SLIT2: variants seen among roughly 807,000 people sequenced by gnomAD.
SLIT2 encodes the protein slit guidance ligand 2.
In SLIT2, 41 loss-of-function variants were observed where a neutral mutation model predicts 185.7. The observed-to-expected ratio is 0.22, with a 90% CI of 0.17 to 0.29. SLIT2 has a LOEUF of 0.29. Among genes scored for constraint, SLIT2 ranks in the 10% least tolerant of loss-of-function variants. The pLI is 1.00. For missense variants in SLIT2, 1,571 were observed against 1,909.0 expected, an observed-to-expected ratio of 0.82 and a Z score of 3.30; for synonymous variants, 693 against 680.2, an observed-to-expected ratio of 1.02 and a Z score of -0.29.
Position 20,488,916 on chromosome 4 carries a change from A to G in SLIT2, c.709A>G (p.Met237Val), listed in dbSNP as rs558816677. The change falls in exon 8 of 37, where the codon ATG becomes GTG. Residue 237 changes from methionine (M) to valine (V), a missense_variant. Met to Val is a conservative substitution (Grantham distance 21). This residue lies in a region of SLIT2 where 1,202 missense variants were observed against 1,416.4 expected (regional missense o/e 0.85). Coordinates refer to ENST00000504154, the MANE Select transcript of SLIT2 (RefSeq NM_004787.4). ...TCGGGTTGGTCTGTACACTCAGTGT[A>G]TGGGCCCCTCCCACCTGAGAGGCCA... ...RPRVGLYTQC[M>V]GPSHLRGHNV... The G allele has an allele frequency of 6.2e-7, 1 of 1,612,350 alleles. No individual in the cohort carries two copies. Among genetic ancestry groups the G allele is most frequent in the South Asian group, 1.1e-5 (1 of 90,882 alleles).
chr4:20,393,036 G>A (rs1725561738), intron 4 of SLIT2, among the ~76,000 whole-genome samples: 1 of 152,028 alleles, frequency 6.6e-6, no homozygotes, highest in African/African-American at 2.4e-5. Flanking sequence ...TGGCACAGTA[G>A]GTTTGTTTAC....
intron 5 of SLIT2, among the ~76,000 whole-genome samples, chr4:20,469,694 T>C (rs1714753070): frequency 6.6e-6 from 1 of 151,842 alleles, no homozygotes; most frequent in South Asian, 2.1e-4. Context: ...TGTTTTGTTA[T>C]TTTTTGGACT....
At chr4:20,448,783 G>A (rs138832351) in intron 4 of SLIT2, among the ~76,000 whole-genome samples, 8,154 of 151,834 alleles carry the variant, frequency 0.054, 271 homozygotes, top group Admixed American at 0.081. Flanking sequence ...GATTACAGGC[G>A]CACACCACCA....
intron 4 of SLIT2, among the ~76,000 whole-genome samples, chr4:20,331,672 G>A (rs540235472): frequency 6.6e-6 from 1 of 152,136 alleles, no homozygotes; most frequent in African/African-American, 2.4e-5. Flanking sequence ...GCCTTTTAGA[G>A]TATGTAACTC....
intron 4 of SLIT2, among the ~76,000 whole-genome samples, chr4:20,349,637 AC>A (rs1721707588): frequency 6.6e-6 from 1 of 152,230 alleles, no homozygotes. Context: ...TTAAAGTATC[AC>A]GAAAGCCCCA....
chr4:20,257,437 G>A (rs2109008322), intron 2 of SLIT2, among the ~76,000 whole-genome samples: 1 of 152,118 alleles, frequency 6.6e-6, no homozygotes, highest in South Asian at 2.1e-4. Context: ...AGTTTTAAGA[G>A]ACACATTTTG....
At chr4:20,381,083 G>A (rs1245192811) in intron 4 of SLIT2, among the ~76,000 whole-genome samples, 2 of 151,838 alleles carry the variant, frequency 1.3e-5, no homozygotes, top group African/African-American at 4.8e-5. Context: ...GCGAAACCCC[G>A]TCTCTACTAA....
At chr4:20,427,597 A>G (rs1472814973) in intron 4 of SLIT2, among the ~76,000 whole-genome samples, 2 of 151,190 alleles carry the variant, frequency 1.3e-5, no homozygotes, top group East Asian at 3.9e-4. Context: ...AGGAGCTCTC[A>G]TTTTTTCCAA....
rs140078059 is a variant in SLIT2, at chr4:20,596,456, G to A, written c.3362G>A (p.Arg1121His). 357 of 1,613,596 alleles carry A rather than the reference G, an allele frequency of 2.2e-4. No individual in the cohort carries two copies. Among genetic ancestry groups the A allele is most frequent in the Admixed American group, 3.0e-4 (18 of 59,962 alleles). ...TTTTCTCCACCCATGGTCCTCCCTC[G>A]TACCAGCCCCTGTGATAATTTTGAT... ...CEFSPPMVLP[R>H]TSPCDNFDCQ... The change falls in exon 32 of 37, where the codon CGT becomes CAT. Residue 1121 changes from arginine to histidine, a missense_variant. Arg to His is a conservative substitution (Grantham distance 29, BLOSUM62 0). This residue lies in a region of SLIT2 where 1,202 missense variants were observed against 1,416.4 expected (regional missense o/e 0.85). Coordinates refer to ENST00000504154, the MANE Select transcript of SLIT2 (RefSeq NM_004787.4).
Position 20,327,752 on chromosome 4 carries a change from A to G in SLIT2, c.395+58871A>G, listed in dbSNP as rs544047082. Among the ~76,000 whole-genome samples, 68 of 152,196 alleles carry G rather than the reference A, an allele frequency of 4.5e-4. No homozygotes were observed. In the South Asian group the frequency reaches 0.014, roughly 31 times the overall value. ...TTACGATGTATGAAAACTTGAAGCC[A>G]TGTGCACTTGCCACCACTGCCCATT... On this transcript the variant is annotated intron_variant, in intron 4 of 36. Coordinates refer to ENST00000504154, the MANE Select transcript of SLIT2 (RefSeq NM_004787.4).
chr4:20,477,793 T>TA (rs1050832675), intron 5 of SLIT2, among the ~76,000 whole-genome samples: 5 of 152,230 alleles, frequency 3.3e-5, no homozygotes, highest in African/African-American at 1.2e-4. Context: ...TGGAGCATAA[T>TA]ATTTTTTTTG....
intron 4 of SLIT2, among the ~76,000 whole-genome samples, chr4:20,457,000 C>T (rs1713146929): frequency 6.6e-6 from 1 of 152,074 alleles, no homozygotes; most frequent in Admixed American, 6.6e-5. Flanking sequence ...AAGAGCAAGT[C>T]ATCATTGTTT....
chr4:20,547,091 T>A (rs1261250301), intron 22 of SLIT2, among the ~76,000 whole-genome samples: 1 of 152,126 alleles, frequency 6.6e-6, no homozygotes, highest in Admixed American at 6.6e-5. Flanking sequence ...TTGCTGCTGA[T>A]CACTTTCCTT....
chr4:20,561,596 A>G lies in SLIT2; in HGVS notation c.2726-5666A>G, dbSNP rs150339938. 7.3e-3 allele frequency among the ~76,000 whole-genome samples: 1,108 copies of G among 151,848 alleles called. 23 individuals are homozygous for G. The highest frequency in any genetic ancestry group is 0.025 in the African/African-American group (1,051 of 41,400). On this transcript the variant is annotated intron_variant, in intron 26 of 36. Transcript: ENST00000504154. ...GATCAGTTTTGAAGCATTATTTAGA[A>G]TAATAATTATTCAAAACTGATCAGT...
At chr4:20,287,611 G>C (rs115635370) in intron 4 of SLIT2, among the ~76,000 whole-genome samples, 2 of 152,238 alleles carry the variant, frequency 1.3e-5, no homozygotes, top group African/African-American at 4.8e-5. Context: ...CTCCTGTGAG[G>C]CTTGTTTGGA....
chr4:20,418,779 G>A lies in SLIT2; in HGVS notation c.396-48973G>A, dbSNP rs966154053. On this transcript the variant is annotated intron_variant, in intron 4 of 36. Coordinates refer to ENST00000504154, the MANE Select transcript of SLIT2 (RefSeq NM_004787.4). ...AGTCATTTTCTCTTATTTCTGGCTC[G>A]GGTAAATAGTAGGAAAAATAACACA... 4.6e-5 allele frequency among the ~76,000 whole-genome samples: 7 copies of A among 151,988 alleles called. No individual in the cohort carries two copies. In the South Asian group the frequency reaches 6.3e-4, roughly 14 times the overall value.
chr4:20,371,202 A>G (rs1577519477), intron 4 of SLIT2, among the ~76,000 whole-genome samples: 1 of 151,890 alleles, frequency 6.6e-6, no homozygotes, highest in Non-Finnish European at 1.5e-5. Flanking sequence ...CACTTACACT[A>G]ATGCACCAAC....
At chr4:20,541,698 A>C in intron 20 of SLIT2, 79 bp downstream of exon 20, 5 of 1,248,718 alleles carry the variant, frequency 4.0e-6, no homozygotes, top group Non-Finnish European at 5.8e-6. Context: ...AATCTACAGC[A>C]TAGTTCAGCT....
chr4:20,343,777 G>A (rs1422996918), intron 4 of SLIT2, among the ~76,000 whole-genome samples: 4 of 141,260 alleles, frequency 2.8e-5, no homozygotes, highest in African/African-American at 8.1e-5. Context: ...AAAGTGTTGG[G>A]ATTATAGGCA....
Sources: gnomAD v4.1 joint callset for allele counts (sites outside exome capture counted in the v4.1 genomes callset) on GRCh38, gnomAD v4.1.1 for gene constraint, gnomAD v4.1.1 regional missense constraint, MANE v1.5 for transcripts, NCBI Gene and HGNC (gene_info 2026-07-23, HGNC 2026-07-21) for gene names.